ARAP1: variants seen among roughly 807,000 people sequenced by gnomAD.
ARAP1 encodes the protein arf-GAP with Rho-GAP domain, ANK repeat and PH domain-containing protein 1.
Under a neutral mutation model 172.2 loss-of-function variants are expected in ARAP1, and 76 were observed. The observed-to-expected ratio is 0.44, with a 90% CI of 0.37 to 0.53. The LOEUF is 0.53. Among genes scored for constraint, ARAP1 ranks in the 20% least tolerant of loss-of-function variants. The pLI, the probability that ARAP1 is intolerant of heterozygous loss-of-function variation, is 0.00. For synonymous variants in ARAP1, 804 were observed against 803.3 expected (o/e 1.00, Z -0.01); for missense variants, 1,686 against 1,977.5 (o/e 0.85, Z 2.80).
At position 72,710,251 on chromosome 11, in the gene ARAP1, G is replaced by A; in HGVS notation, c.1416+134C>T. 1 of 1,140,284 alleles carries A rather than the reference G, an allele frequency of 8.8e-7. No homozygotes were observed. Among genetic ancestry groups the A allele is most frequent in the Admixed American group, 1.9e-5 (1 of 52,016 alleles). 70.6% of individuals were successfully genotyped at this position (1,140,284 alleles called of 1,614,324 possible). ...AAGTGGTCAGAACTTGGGGGAGCGA[G>A]GACATATCCAGGCAAAGGGCTGGGC... On this transcript the variant is annotated intron_variant, in intron 10 of 34. Coordinates refer to ENST00000393609, the MANE Select transcript of ARAP1 (RefSeq NM_001040118.3). The surrounding 1 kb of genome is among the most constrained non-coding windows in gnomAD (Gnocchi z 4.3).
intron 11 of ARAP1, among the ~76,000 whole-genome samples, chr11:72,707,666 A>C (rs541097192): frequency 6.0e-4 from 91 of 152,286 alleles, no homozygotes; most frequent in African/African-American, 2.1e-3. Flanking sequence ...AGAAGGGCTG[A>C]GCCAGGTGAA....
chr11:72,752,283 T>C (rs1263663843), intron 1 of ARAP1, 45 bp downstream of exon 1: 1 of 152,314 alleles, frequency 6.6e-6, no homozygotes, highest in Non-Finnish European at 1.5e-5. Flanking sequence ...CAGGCCAATG[T>C]GGCGAGGGGC....
At chr11:72,716,598 T>A (rs972123852) in intron 3 of ARAP1, among the ~76,000 whole-genome samples, 3 of 152,252 alleles carry the variant, frequency 2.0e-5, no homozygotes, top group Non-Finnish European at 4.4e-5. Flanking sequence ...ACTGGGCACA[T>A]CGCACACAGG....
Position 72,697,653 on chromosome 11 carries a change from T to TGGAG in ARAP1, c.2738-8_2738-5dup, listed in dbSNP as rs1856274161. On this transcript the variant is annotated splice_polypyrimidine_tract_variant and splice_region_variant and intron_variant, in intron 19 of 34. Transcript: ENST00000393609. ...TTCTCACTGTCCCCCTGGATGGCTG[T>TGGAG]GGAGGGGTTAGTCAAGGTGAGGCCC... The TGGAG allele has an allele frequency of 2.5e-6, 4 of 1,614,084 alleles. No homozygotes were observed. The highest frequency in any genetic ancestry group is 2.2e-5 in the East Asian group (1 of 44,886).
At chr11:72,723,197 A>G (rs887548677) in intron 3 of ARAP1, among the ~76,000 whole-genome samples, 3 of 152,054 alleles carry the variant, frequency 2.0e-5, no homozygotes, top group Middle Eastern at 3.4e-3. Flanking sequence ...AGTCCCAGCT[A>G]CTTGGGAGGC....
chr11:72,686,209 AG>A lies in ARAP1; in HGVS notation c.4186-19del. On this transcript the variant is annotated intron_variant, in intron 33 of 34. Coordinates refer to ENST00000393609, the MANE Select transcript of ARAP1 (RefSeq NM_001040118.3). Reference sequence around the variant, plus strand: ...CCGTCATGCTGGGGAGCAGAGAGGAAGGGGCTGGGCTCAGCTTCAGTTCACC... The same window carrying A: ...CCGTCATGCTGGGGAGCAGAGAGGAAGGGCTGGGCTCAGCTTCAGTTCACC... The A allele has an allele frequency of 1.2e-6, 2 of 1,606,612 alleles. No individual in the cohort carries two copies. The highest frequency in any genetic ancestry group is 8.5e-7 in the Non-Finnish European group (1 of 1,175,392).
chr11:72,701,595 C>T, intron 16 of ARAP1, 54 bp downstream of exon 16: 3 of 1,576,478 alleles, frequency 1.9e-6, no homozygotes, highest in Admixed American at 3.5e-5. Context: ...TTCCCTAGCC[C>T]TGCAGCCGTG....
chr11:72,751,045 A>G (rs1038766159), intron 1 of ARAP1, among the ~76,000 whole-genome samples: 3 of 152,056 alleles, frequency 2.0e-5, no homozygotes, highest in African/African-American at 7.3e-5. Flanking sequence ...GTTGAGTAGG[A>G]GGCTTGAATG....
At chr11:72,696,157 G>C (rs1856180065) in intron 23 of ARAP1, among the ~76,000 whole-genome samples, 1 of 152,120 alleles carries the variant, frequency 6.6e-6, no homozygotes, top group Non-Finnish European at 1.5e-5. Flanking sequence ...TCCAAGGACA[G>C]GGTCGGGGGG....
At position 72,685,317 on chromosome 11, in the gene ARAP1, G is replaced by T; in HGVS notation, c.*347C>A. The T allele has an allele frequency of 2.9e-6, 1 of 346,482 alleles. No homozygotes were observed. The highest frequency in any genetic ancestry group is 5.4e-6 in the Non-Finnish European group (1 of 185,932). The allele number at this position is 346,482 out of a possible 1,614,324, so 21.5% of individuals were successfully genotyped here. The stretch of plus-strand genomic sequence containing the variant: ...GAGCAGGGGGCTCCCTTCCGGCAGG[G>T]CCCCAGGGCCTCACGCCTCTGAAAG... On this transcript the variant is annotated 3_prime_UTR_variant, in exon 35 of 35. Transcript: ENST00000393609.
intron 23 of ARAP1, 106 bp downstream of exon 23, chr11:72,696,443 G>T: frequency 2.4e-6 from 2 of 835,178 alleles, no homozygotes; most frequent in Non-Finnish European, 3.6e-6. Context: ...GTCAGCACTT[G>T]GTGCAAAAGC....
chr11:72,735,710 G>C (rs959928902), intron 1 of ARAP1, among the ~76,000 whole-genome samples: 1 of 152,212 alleles, frequency 6.6e-6, no homozygotes, highest in African/African-American at 2.4e-5. Context: ...GACCAGGTCT[G>C]GGAAACAGGA....
intron 15 of ARAP1, among the ~76,000 whole-genome samples, chr11:72,702,229 A>G (rs1321022096): frequency 6.6e-6 from 1 of 152,180 alleles, no homozygotes; most frequent in Admixed American, 6.5e-5. Context: ...TCTGTCCCCA[A>G]GCCCAAGCCA....
Position 72,712,229 on chromosome 11 carries a change from T to C in ARAP1, c.989A>G (p.Lys330Arg), listed in dbSNP as rs754374766. 6.2e-7 allele frequency: 1 copy of C among 1,608,442 alleles called. No homozygotes were observed. Among genetic ancestry groups the C allele is most frequent in the South Asian group, 1.1e-5 (1 of 90,488 alleles). ...TGGGTTCTTGTCCAGCCAGCCAGCC[T>C]TGATGACTGGTGTGACGGGGGTGGA... ...GGSTPVTPVI[K>R]AGWLDKNPPQ... The change falls in exon 7 of 35, where the codon AAG becomes AGG. Residue 330 changes from lysine to arginine, a missense_variant. Lys to Arg is a conservative substitution (Grantham distance 26). Around this residue, in one of 5 missense-constraint regions of ARAP1, gnomAD observed 688 missense variants for 856.9 expected, o/e 0.80. Coordinates refer to ENST00000393609, the MANE Select transcript of ARAP1 (RefSeq NM_001040118.3).
intron 3 of ARAP1, among the ~76,000 whole-genome samples, chr11:72,716,492 G>A (rs1857279573): frequency 6.6e-6 from 1 of 152,280 alleles, no homozygotes; most frequent in Non-Finnish European, 1.5e-5. Flanking sequence ...ATGGCCTGTG[G>A]AGGAACAGCA....
At chr11:72,732,764 C>T (rs1051038256) in intron 1 of ARAP1, among the ~76,000 whole-genome samples, 167 bp from the exon 2 acceptor site, 29 of 152,042 alleles carry the variant, frequency 1.9e-4, no homozygotes, top group African/African-American at 6.0e-4. Flanking sequence ...CAGGTGGATT[C>T]GAGTCCAGGA....
In ARAP1 at chr11:72,712,557, TG is replaced by T; in HGVS notation, c.758del (p.Pro253HisfsTer15). On this transcript the variant is annotated frameshift_variant, in exon 6 of 35. Coordinates refer to ENST00000393609, the MANE Select transcript of ARAP1 (RefSeq NM_001040118.3). LOFTEE classifies it high-confidence loss of function. ...ARVMTKKEEP[P>X]PSRVPRAVRV... ...GCACGGCCCGTGGGACTCGGCTCGGTGGGGGCTCCTCCTGCCCCCGAGACCC... is the reference window on the plus strand; with the variant it reads ...GCACGGCCCGTGGGACTCGGCTCGGTGGGGCTCCTCCTGCCCCCGAGACCC... 6.2e-7 allele frequency: 1 copy of T among 1,612,530 alleles called. No individual in the cohort carries two copies. The highest frequency in any genetic ancestry group is 8.5e-7 in the Non-Finnish European group (1 of 1,179,832).
rs771683815 is a variant in ARAP1, at chr11:72,704,240, G to C, written c.1904C>G (p.Thr635Ser). ...CTTGGCCTCCAGGTGGCACCGCCGG[G>C]TGCTGGGGCTGCTGCTGGGCTGCAG... ...EALQPSSSPS[T>S]RRCHLEAKYR... The change falls in exon 14 of 35, where the codon ACC becomes AGC. Residue 635 changes from threonine (T) to serine (S), a missense_variant. Coordinates refer to ENST00000393609, the MANE Select transcript of ARAP1 (RefSeq NM_001040118.3). 3.7e-6 allele frequency: 6 copies of C among 1,613,584 alleles called. No individual in the cohort carries two copies. Among genetic ancestry groups the C allele is most frequent in the Non-Finnish European group, 4.2e-6 (5 of 1,179,888 alleles).
intron 1 of ARAP1, among the ~76,000 whole-genome samples, chr11:72,739,505 TG>T (rs1661024343): frequency 6.6e-6 from 1 of 152,136 alleles, no homozygotes; most frequent in African/African-American, 2.4e-5. Context: ...GCTCCAGGCC[TG>T]GGCCCCCTCC....
Sources: allele counts gnomAD v4.1 joint callset (sites outside exome capture counted in the v4.1 genomes callset), GRCh38; gene constraint gnomAD v4.1.1; regional missense constraint gnomAD v4.1.1; non-coding constraint Gnocchi (gnomAD v3.1); transcripts MANE v1.5; gene names NCBI Gene and HGNC (gene_info 2026-07-23, HGNC 2026-07-21).